Variants in TAFA2 observed in about 807,000 individuals in gnomAD.
TAFA2 encodes the protein chemokine-like protein TAFA-2.
In TAFA2, 7 loss-of-function variants were observed where a neutral mutation model predicts 18.8. That is an observed-to-expected ratio of 0.37 (90% confidence interval 0.21 to 0.70). TAFA2 has a LOEUF of 0.70. Ranked by LOEUF, TAFA2 falls within the 30% of genes least tolerant of loss-of-function variation. The probability of loss-of-function intolerance (pLI) is 0.53; values close to 1 mark genes in which losing one functional copy is unlikely to be tolerated. For synonymous variants in TAFA2, 60 were observed against 54.2 expected, an observed-to-expected ratio of 1.11 and a Z score of -0.47; for missense variants, 122 against 158.1, an observed-to-expected ratio of 0.77 and a Z score of 1.23.
chr12:62,056,659 T>C (rs1882194808), intron 1 of TAFA2, among the ~76,000 whole-genome samples: 1 of 152,242 alleles, frequency 6.6e-6, no homozygotes, highest in African/African-American at 2.4e-5. Flanking sequence ...CACTTGGGTC[T>C]GCTCTGACTC....
intron 2 of TAFA2, among the ~76,000 whole-genome samples, chr12:61,765,038 G>T (rs771728504): frequency 6.6e-6 from 1 of 152,098 alleles, no homozygotes; most frequent in Non-Finnish European, 1.5e-5. Flanking sequence ...AGAAGAAAGT[G>T]CTTTCCTATG....
intron 2 of TAFA2, among the ~76,000 whole-genome samples, chr12:61,767,320 C>CA (rs1869832136): frequency 6.6e-6 from 1 of 151,946 alleles, no homozygotes; most frequent in African/African-American, 2.4e-5. Flanking sequence ...TTTCCAACTC[C>CA]AAAAATGTAT....
At chr12:62,257,435 T>C (rs2062946225) in intron 1 of TAFA2, among the ~76,000 whole-genome samples, 1 of 152,134 alleles carries the variant, frequency 6.6e-6, no homozygotes, top group Non-Finnish European at 1.5e-5. Context: ...AGTATTTACA[T>C]TTGAAGTCCC....
chr12:61,875,662 G>C (rs1874811709), intron 1 of TAFA2, among the ~76,000 whole-genome samples: 1 of 152,050 alleles, frequency 6.6e-6, no homozygotes, highest in South Asian at 2.1e-4. Flanking sequence ...TAAAGGACAG[G>C]GCTGGATAAT....
intron 2 of TAFA2, among the ~76,000 whole-genome samples, chr12:61,805,886 A>G (rs556205956): frequency 5.9e-5 from 9 of 152,328 alleles, no homozygotes; most frequent in African/African-American, 1.9e-4. Flanking sequence ...TTAACAAATT[A>G]AACTAATAAA....
At chr12:61,916,455 A>C (rs1876825165) in intron 1 of TAFA2, among the ~76,000 whole-genome samples, 2 of 152,216 alleles carry the variant, frequency 1.3e-5, no homozygotes, top group Non-Finnish European at 2.9e-5. Flanking sequence ...AAAAGGGTTG[A>C]TAAATGGTCA....
chr12:61,848,772 A>C (rs577132376), intron 2 of TAFA2, among the ~76,000 whole-genome samples: 1 of 152,228 alleles, frequency 6.6e-6, no homozygotes, highest in South Asian at 2.1e-4. Flanking sequence ...AGTAAAATTA[A>C]AAATTTGCAT....
At chr12:61,965,680 G>T (rs1018551942) in intron 1 of TAFA2, among the ~76,000 whole-genome samples, 2 of 151,928 alleles carry the variant, frequency 1.3e-5, no homozygotes. Flanking sequence ...TAATTAGCAG[G>T]GATGGACTAG....
intron 4 of TAFA2, among the ~76,000 whole-genome samples, chr12:61,743,704 T>C (rs1222502296): frequency 6.6e-6 from 1 of 152,046 alleles, no homozygotes; most frequent in African/African-American, 2.4e-5. Flanking sequence ...ATCCTGAACT[T>C]GTGGGAACAT....
intron 2 of TAFA2, among the ~76,000 whole-genome samples, chr12:61,777,129 A>C (rs576263399): frequency 8.6e-5 from 13 of 151,986 alleles, no homozygotes; most frequent in African/African-American, 3.1e-4. Flanking sequence ...GGCCAGGTAA[A>C]ATGGCCAACA....
chr12:61,896,561 T>A (rs952371780), intron 1 of TAFA2, among the ~76,000 whole-genome samples: 3 of 152,222 alleles, frequency 2.0e-5, no homozygotes, highest in African/African-American at 7.2e-5. Context: ...CCATTCTCTG[T>A]GCTTAGAGAG....
At chr12:61,739,208 C>T (rs1026700913) in intron 4 of TAFA2, among the ~76,000 whole-genome samples, 2 of 151,980 alleles carry the variant, frequency 1.3e-5, no homozygotes, top group Non-Finnish European at 2.9e-5. Context: ...AGTAATGATT[C>T]CAGAGACTGG....
At chr12:62,245,628 A>G (rs1419952364) in intron 1 of TAFA2, among the ~76,000 whole-genome samples, 4 of 147,856 alleles carry the variant, frequency 2.7e-5, no homozygotes, top group Admixed American at 6.8e-5. Context: ...TATTATACAT[A>G]AATATATAAA....
At chr12:61,807,253 G>A (rs761269587) in intron 2 of TAFA2, among the ~76,000 whole-genome samples, 16 of 151,358 alleles carry the variant, frequency 1.1e-4, no homozygotes, top group South Asian at 4.1e-4. Context: ...GCTGAAATGC[G>A]CCAATGTAAA....
intron 1 of TAFA2, among the ~76,000 whole-genome samples, chr12:62,027,409 C>T (rs1239211621): frequency 6.6e-6 from 1 of 152,054 alleles, no homozygotes; most frequent in Non-Finnish European, 1.5e-5. Context: ...TTCAATTATT[C>T]TCAAAAGAAA....
chr12:62,012,261 A>AT (rs1880795506), intron 1 of TAFA2, among the ~76,000 whole-genome samples: 3 of 152,196 alleles, frequency 2.0e-5, no homozygotes, highest in African/African-American at 7.2e-5. Context: ...AAACTTTAAT[A>AT]AATCTGTTTT....
intron 2 of TAFA2, among the ~76,000 whole-genome samples, chr12:61,852,940 C>G (rs557451830): frequency 6.6e-6 from 1 of 152,032 alleles, no homozygotes; most frequent in South Asian, 2.1e-4. Flanking sequence ...GGGTACAAAC[C>G]TTTAGCTGTA....
intron 1 of TAFA2, among the ~76,000 whole-genome samples, chr12:61,926,017 A>G (rs1373603740): frequency 6.6e-6 from 1 of 152,234 alleles, no homozygotes; most frequent in Non-Finnish European, 1.5e-5. Context: ...GATAAAGTGG[A>G]TACCACCACT....
At chr12:61,842,997 AAGG>A (rs1255454886) in intron 2 of TAFA2, among the ~76,000 whole-genome samples, 1 of 152,060 alleles carries the variant, frequency 6.6e-6, no homozygotes, top group Non-Finnish European at 1.5e-5. Flanking sequence ...TGGCCCACAC[AAGG>A]AAGAAGAAAC....
Sources: gnomAD v4.1 joint callset for allele counts (sites outside exome capture counted in the v4.1 genomes callset) on GRCh38, gnomAD v4.1.1 for gene constraint, MANE v1.5 for transcripts, NCBI Gene and HGNC (gene_info 2026-07-23, HGNC 2026-07-21) for gene names.